Variants in STX8 observed in about 807,000 individuals in gnomAD.
STX8 encodes syntaxin 8, also known as syntaxin-8.
STX8 carries 23 observed loss-of-function variants against 37.5 expected under a neutral mutation model. The ratio of observed to expected loss-of-function variants is 0.61; its 90% CI spans 0.44 to 0.87. The LOEUF (loss-of-function observed/expected upper bound fraction) is 0.87, where lower values mean the gene tolerates loss of function less well. STX8 is among the 40% of genes least tolerant of loss of function. The pLI is 0.00. For missense variants in STX8, 313 were observed against 284.7 expected (o/e 1.10, Z -0.71); for synonymous variants, 115 against 99.1 (o/e 1.16, Z -0.95).
At chr17:9,374,843 C>A (rs533088211) in intron 7 of STX8, among the ~76,000 whole-genome samples, 3 of 152,026 alleles carry the variant, frequency 2.0e-5, no homozygotes, top group Non-Finnish European at 4.4e-5. Flanking sequence ...GTGGGCAGAT[C>A]ACCTGAGGTC....
intron 6 of STX8, among the ~76,000 whole-genome samples, chr17:9,479,603 AT>A (rs1685937109): frequency 6.7e-5 from 10 of 148,460 alleles, no homozygotes. Context: ...AAATTTAAGT[AT>A]AGATGTATTT....
chr17:9,508,662 T>C (rs1334459292), intron 4 of STX8, among the ~76,000 whole-genome samples: 2 of 151,966 alleles, frequency 1.3e-5, no homozygotes, highest in African/African-American at 2.4e-5. Context: ...TCTTGTGAAA[T>C]AACACAGAAA....
At chr17:9,537,654 A>C (rs921321649) in intron 4 of STX8, among the ~76,000 whole-genome samples, 32 of 152,206 alleles carry the variant, frequency 2.1e-4, no homozygotes, top group Non-Finnish European at 2.9e-5. Flanking sequence ...GATGTTACGG[A>C]AGATACAGAA....
intron 7 of STX8, among the ~76,000 whole-genome samples, chr17:9,337,515 C>A (rs1910176792): frequency 2.0e-5 from 3 of 152,080 alleles, no homozygotes; most frequent in African/African-American, 4.8e-5. Context: ...TACAGGCACA[C>A]GCCACCATGC....
At chr17:9,403,318 G>A (rs1912690460) in intron 6 of STX8, among the ~76,000 whole-genome samples, 1 of 152,172 alleles carries the variant, frequency 6.6e-6, no homozygotes, top group Non-Finnish European at 1.5e-5. Flanking sequence ...TTAGAGAAAA[G>A]GGCATAAAGA....
intron 7 of STX8, among the ~76,000 whole-genome samples, chr17:9,259,828 G>A (rs559183167): frequency 2.6e-5 from 4 of 152,274 alleles, no homozygotes; most frequent in East Asian, 1.9e-4. Context: ...TCAGCTACGC[G>A]GGAGAAAAGG....
chr17:9,363,195 A>G (rs1169703073), intron 7 of STX8, among the ~76,000 whole-genome samples: 1 of 152,226 alleles, frequency 6.6e-6, no homozygotes, highest in Non-Finnish European at 1.5e-5. Flanking sequence ...AAAATTAACC[A>G]TCTGAGGCCA....
rs1234140638 is a variant in STX8, at chr17:9,568,430, T to C, written c.58A>G (p.Ile20Val). Reference protein sequence around the residue: ...YDSTCQIAQEIAEKIQQRNQY... With the variant: ...YDSTCQIAQEVAEKIQQRNQY... ...TTTCGTTGTTGAATTTTCTCAGCAATTTCTTGGGCAATTTGACAAGTAGAA... is the reference window on the plus strand; with the variant it reads ...TTTCGTTGTTGAATTTTCTCAGCAACTTCTTGGGCAATTTGACAAGTAGAA... Residue 20 changes from isoleucine to valine, a missense_variant, in exon 2 of 8, where the codon ATT becomes GTT. Coordinates refer to ENST00000306357, the MANE Select transcript of STX8 (RefSeq NM_004853.3). The C allele has an allele frequency of 5.0e-6, 8 of 1,612,824 alleles. No homozygotes were observed. The highest frequency in any genetic ancestry group is 6.8e-6 in the Non-Finnish European group (8 of 1,179,928).
chr17:9,484,436 G>C (rs183895587), intron 6 of STX8, among the ~76,000 whole-genome samples: 1 of 152,024 alleles, frequency 6.6e-6, no homozygotes, highest in African/African-American at 2.4e-5. Flanking sequence ...GTATGCTGAG[G>C]TGGGGGTTGG....
At chr17:9,555,830 A>AGCTT (rs1179851289) in intron 3 of STX8, 1 of 151,466 alleles carries the variant, frequency 6.6e-6, no homozygotes, top group East Asian at 1.9e-4. Flanking sequence ...CGGGAGGCAG[A>AGCTT]GCTTGCAGTG....
chr17:9,475,649 A>G (rs1421970419), intron 6 of STX8, among the ~76,000 whole-genome samples: 1 of 152,244 alleles, frequency 6.6e-6, no homozygotes, highest in Non-Finnish European at 1.5e-5. Flanking sequence ...AAGAGCCTCT[A>G]GGATAGACAC....
chr17:9,458,831 T>A (rs992277048), intron 6 of STX8, among the ~76,000 whole-genome samples: 1 of 964 alleles, frequency 1.0e-3, no homozygotes, highest in African/African-American at 1.2e-3. Flanking sequence ...TTATTTAATT[T>A]TTTTTTTTTT....
intron 7 of STX8, among the ~76,000 whole-genome samples, chr17:9,369,886 C>CAAAAAAAAAA (rs60178482): frequency 5.8e-5 from 3 of 52,144 alleles, no homozygotes; most frequent in African/African-American, 1.3e-4. Flanking sequence ...GACCCTGTAC[C>CAAAAAAAAAA]AAAAAAAAAA....
chr17:9,524,258 G>A (rs1905473549), intron 4 of STX8, among the ~76,000 whole-genome samples: 1 of 152,218 alleles, frequency 6.6e-6, no homozygotes, highest in Non-Finnish European at 1.5e-5. Context: ...CTTTCAGGCT[G>A]CTATAACCAA....
Position 9,283,774 on chromosome 17 carries a change from T to C in STX8, c.644-33129A>G, listed in dbSNP as rs72814152. 4.7e-3 allele frequency among the ~76,000 whole-genome samples: 710 copies of C among 152,340 alleles called. 5 individuals carry two copies. The highest frequency in any genetic ancestry group is 6.3e-3 in the Non-Finnish European group (429 of 68,030). On this transcript the variant is annotated intron_variant, in intron 7 of 7. Coordinates refer to ENST00000306357, the MANE Select transcript of STX8 (RefSeq NM_004853.3). ...CTTGGTCTCTATGGATTAAATTCTA[T>C]TTCTTTTCATTTCTGGAATTATTTT...
At chr17:9,413,742 A>C (rs1429440757) in intron 6 of STX8, among the ~76,000 whole-genome samples, 1 of 152,204 alleles carries the variant, frequency 6.6e-6, no homozygotes, top group African/African-American at 2.4e-5. Context: ...TTCTGAGTGA[A>C]AGTGGGGCCA....
chr17:9,425,605 T>TA (rs955217268), intron 6 of STX8, among the ~76,000 whole-genome samples: 13 of 152,184 alleles, frequency 8.5e-5, no homozygotes, highest in African/African-American at 2.4e-4. Flanking sequence ...GCAAACCATG[T>TA]AAAAAATGTT....
chr17:9,487,142 G>C (rs549944203), intron 6 of STX8, among the ~76,000 whole-genome samples: 1 of 152,276 alleles, frequency 6.6e-6, no homozygotes, highest in Admixed American at 6.5e-5. Flanking sequence ...AATTCTCTAT[G>C]AGGAAATTAG....
rs147916656 is a variant in STX8 at position 9,403,837 on chromosome 17, G to A, written c.542-25184C>T. Among the ~76,000 whole-genome samples the A allele has an allele frequency of 6.3e-3, 952 of 151,958 alleles. 19 individuals carry two copies. The highest frequency in any genetic ancestry group is 0.022 in the African/African-American group (903 of 41,422). On this transcript the variant is annotated intron_variant, in intron 6 of 7. Coordinates refer to ENST00000306357, the MANE Select transcript of STX8 (RefSeq NM_004853.3). The stretch of plus-strand genomic sequence containing the variant: ...AATTCTTTGTATTTTTAGTAGAGAC[G>A]GGGTTTCACCATGTTGGCCAGGCTG...
Sources: allele counts gnomAD v4.1 joint callset (sites outside exome capture counted in the v4.1 genomes callset), GRCh38; gene constraint gnomAD v4.1.1; transcripts MANE v1.5; gene names NCBI Gene and HGNC (gene_info 2026-07-23, HGNC 2026-07-21).